LCLAT1: variants seen among roughly 807,000 people sequenced by gnomAD.
LCLAT1 encodes the protein lysocardiolipin acyltransferase 1, also known as 1-AGP acyltransferase 8.
Under a neutral mutation model 30.7 loss-of-function variants are expected in LCLAT1, and 11 were observed. The observed-to-expected ratio is 0.36, with a 90% CI of 0.23 to 0.59. The LOEUF (loss-of-function observed/expected upper bound fraction) is 0.59. LCLAT1 is among the 20% of genes least tolerant of loss of function. LCLAT1 has a pLI of 0.77. For synonymous variants in LCLAT1, 155 were observed against 151.3 expected, an observed-to-expected ratio of 1.02 and a Z score of -0.18; for missense variants, 402 against 458.6, an observed-to-expected ratio of 0.88 and a Z score of 1.13.
intron 5 of LCLAT1, among the ~76,000 whole-genome samples, chr2:30,577,340 A>G (rs1018896556): frequency 2.6e-5 from 4 of 152,046 alleles, no homozygotes; most frequent in African/African-American, 9.7e-5. Flanking sequence ...TAGGAGAGTA[A>G]AGCTTAAGTG....
At chr2:30,584,667 G>A (rs1666349124) in intron 5 of LCLAT1, among the ~76,000 whole-genome samples, 1 of 152,192 alleles carries the variant, frequency 6.6e-6, no homozygotes, top group Non-Finnish European at 1.5e-5. Flanking sequence ...TGTAGATACT[G>A]ATGCAGCTTA....
intron 1 of LCLAT1, chr2:30,476,424 T>G (rs1188277094): frequency 2.2e-6 from 1 of 456,562 alleles, no homozygotes; most frequent in Non-Finnish European, 4.4e-6. Flanking sequence ...ACTTGAATTA[T>G]CTCCTGATTT....
intron 1 of LCLAT1, among the ~76,000 whole-genome samples, chr2:30,491,232 G>A (rs1683821387): frequency 6.6e-6 from 1 of 152,160 alleles, no homozygotes; most frequent in Non-Finnish European, 1.5e-5. Flanking sequence ...CATGGATAAA[G>A]TATATGTTTG....
At position 30,512,266 on chromosome 2, in the gene LCLAT1, T is replaced by A. The variant is rs1684972022; in HGVS notation, c.-4-13321T>A. ...TTTATGTAAGCAAAAATAGAAAAAATTAACCACTGTATAATGTATATATAA... is the reference window on the plus strand; with the variant it reads ...TTTATGTAAGCAAAAATAGAAAAAAATAACCACTGTATAATGTATATATAA... On this transcript the variant is annotated intron_variant, in intron 1 of 5. Coordinates refer to ENST00000379509, the MANE Select transcript of LCLAT1 (RefSeq NM_001002257.3). Among the ~76,000 whole-genome samples the A allele has an allele frequency of 2.0e-5, 3 of 152,270 alleles. No individual in the cohort carries two copies. The South Asian group carries it at 6.2e-4, about 32-fold the overall frequency.
At chr2:30,561,661 G>C (rs1665229743) in intron 3 of LCLAT1, among the ~76,000 whole-genome samples, 1 of 152,124 alleles carries the variant, frequency 6.6e-6, no homozygotes, top group Non-Finnish European at 1.5e-5. Context: ...GGCTAACATT[G>C]AAAATAGCAG....
intron 1 of LCLAT1, among the ~76,000 whole-genome samples, chr2:30,466,951 A>G (rs1682466014): frequency 6.6e-6 from 1 of 151,990 alleles, no homozygotes; most frequent in South Asian, 2.1e-4. Flanking sequence ...TATTTTTTTT[A>G]AATTATACTT....
At chr2:30,606,410 A>G (rs1447078582) in intron 5 of LCLAT1, 1 of 147,258 alleles carries the variant, frequency 6.8e-6, no homozygotes, top group Admixed American at 7.1e-5. Context: ...ATGGAACAGA[A>G]TAGAGAACTC....
intron 3 of LCLAT1, among the ~76,000 whole-genome samples, chr2:30,544,644 C>T (rs1009023449): frequency 1.3e-5 from 2 of 151,110 alleles, no homozygotes; most frequent in African/African-American, 4.8e-5. Context: ...TCAACTTCCC[C>T]TCTGTGTGTT....
intron 1 of LCLAT1, among the ~76,000 whole-genome samples, chr2:30,480,853 A>G (rs889642503): frequency 1.3e-5 from 2 of 152,344 alleles, no homozygotes; most frequent in African/African-American, 4.8e-5. Context: ...CTACAGAACT[A>G]TAGAACTAAG....
At chr2:30,554,015 C>G (rs561450429) in intron 3 of LCLAT1, among the ~76,000 whole-genome samples, 43 of 152,146 alleles carry the variant, frequency 2.8e-4, no homozygotes, top group Middle Eastern at 3.4e-3. Context: ...AAACCCAAAC[C>G]CCTTGCCAGG....
chr2:30,474,768 C>A (rs1682964598), intron 1 of LCLAT1, among the ~76,000 whole-genome samples: 1 of 150,704 alleles, frequency 6.6e-6, no homozygotes. Flanking sequence ...CCTGGCACAG[C>A]CTCCTGTGTA....
At chr2:30,635,044 G>A (rs1668957832) in intron 5 of LCLAT1, among the ~76,000 whole-genome samples, 1 of 152,164 alleles carries the variant, frequency 6.6e-6, no homozygotes, top group Admixed American at 6.5e-5. Context: ...AAGAAGTACA[G>A]AGTTACATGT....
intron 5 of LCLAT1, among the ~76,000 whole-genome samples, chr2:30,613,056 T>C (rs1308409188): frequency 6.6e-6 from 1 of 152,132 alleles, no homozygotes; most frequent in Non-Finnish European, 1.5e-5. Flanking sequence ...AGAGGATCCC[T>C]AGTAGAAGGA....
At chr2:30,593,441 G>T (rs10153933) in intron 5 of LCLAT1, among the ~76,000 whole-genome samples, 36,312 of 152,002 alleles carry the variant, frequency 0.24, 4,861 homozygotes, top group Non-Finnish European at 0.3. Flanking sequence ...CATGTTGTTT[G>T]GGTTACTCTA....
chr2:30,558,615 AAAAG>A (rs1418742191), intron 3 of LCLAT1, among the ~76,000 whole-genome samples: 2 of 151,996 alleles, frequency 1.3e-5, no homozygotes, highest in Non-Finnish European at 1.5e-5. Context: ...AAAAAAAAAA[AAAAG>A]GTGTCCAGCA....
At chr2:30,490,071 A>G (rs561833054) in intron 1 of LCLAT1, among the ~76,000 whole-genome samples, 2 of 152,202 alleles carry the variant, frequency 1.3e-5, no homozygotes, top group African/African-American at 4.8e-5. Flanking sequence ...AGGTACTGCT[A>G]TTATCACCCC....
At chr2:30,631,280 T>C (rs1274929477) in intron 5 of LCLAT1, among the ~76,000 whole-genome samples, 1 of 152,190 alleles carries the variant, frequency 6.6e-6, no homozygotes, top group Non-Finnish European at 1.5e-5. Context: ...GACAACTTTC[T>C]CTAGAAGCCC....
At chr2:30,508,151 G>GT (rs1426882508) in intron 1 of LCLAT1, among the ~76,000 whole-genome samples, 1 of 151,798 alleles carries the variant, frequency 6.6e-6, no homozygotes, top group Non-Finnish European at 1.5e-5. Context: ...TCTCTTGTAA[G>GT]TTTAAGTTTT....
chr2:30,497,277 A>G (rs1016954533), intron 1 of LCLAT1, among the ~76,000 whole-genome samples: 3 of 152,176 alleles, frequency 2.0e-5, no homozygotes, highest in Non-Finnish European at 4.4e-5. Context: ...GCCATCCCCA[A>G]TAACTTCTAG....
Sources: allele counts gnomAD v4.1 joint callset (sites outside exome capture counted in the v4.1 genomes callset), GRCh38; gene constraint gnomAD v4.1.1; transcripts MANE v1.5; gene names NCBI Gene and HGNC (gene_info 2026-07-23, HGNC 2026-07-21).